The following TBX15 variants were observed in gnomAD, a reference collection of about 807,000 sequenced individuals.
The protein encoded by TBX15 is T-box transcription factor 15, also known as T-box transcription factor TBX15.
In TBX15, 18 loss-of-function variants were observed where a neutral mutation model predicts 53.9. The observed-to-expected ratio is 0.33, with a 90% CI of 0.23 to 0.49. The LOEUF (loss-of-function observed/expected upper bound fraction) is 0.49. TBX15 is among the 20% of genes least tolerant of loss of function. The pLI, the probability that TBX15 is intolerant of heterozygous loss-of-function variation, is 0.98. For missense variants in TBX15, 692 were observed against 749.5 expected, an observed-to-expected ratio of 0.92 and a Z score of 0.90; for synonymous variants, 295 against 278.0, an observed-to-expected ratio of 1.06 and a Z score of -0.61.
Position 118,986,899 on chromosome 1 carries a change from A to C in TBX15, c.205+692T>G, listed in dbSNP as rs1233765059. ...CTCCTAGGGTTCTGTTAAAATACAG[A>C]CATGACATCCCCCCTGCTTTTTACA... On this transcript the variant is annotated intron_variant, in intron 1 of 7. Transcript: ENST00000369429. 2.0e-5 allele frequency among the ~76,000 whole-genome samples: 3 copies of C among 152,158 alleles called. No individual in the cohort carries two copies. The East Asian group carries it at 5.8e-4, about 29-fold the overall frequency.
intron 1 of TBX15, among the ~76,000 whole-genome samples, chr1:118,952,389 G>T (rs917096787): frequency 1.3e-5 from 2 of 151,582 alleles, no homozygotes; most frequent in African/African-American, 2.4e-5. Flanking sequence ...ATTTTTCAAG[G>T]GTCAATAATA....
At chr1:118,926,322 CA>C (rs1190414461) in intron 3 of TBX15, among the ~76,000 whole-genome samples, 187 bp downstream of exon 3, 24 of 152,334 alleles carry the variant, frequency 1.6e-4, no homozygotes, top group Admixed American at 1.4e-3. Flanking sequence ...TCCAGAGACA[CA>C]GGGGGGAATC....
chr1:118,967,330 A>C (rs963241987), intron 1 of TBX15, among the ~76,000 whole-genome samples: 1 of 152,218 alleles, frequency 6.6e-6, no homozygotes, highest in Non-Finnish European at 1.5e-5. Flanking sequence ...TAATTTCAAA[A>C]ATGAAGGACT....
intron 1 of TBX15, among the ~76,000 whole-genome samples, chr1:118,955,041 C>CCT (rs1194121578): frequency 6.6e-6 from 1 of 152,162 alleles, no homozygotes; most frequent in Non-Finnish European, 1.5e-5. Context: ...TTCCAGAATC[C>CCT]CTCTTCATGG....
At chr1:118,978,802 TA>T (rs1420570146) in intron 1 of TBX15, among the ~76,000 whole-genome samples, 1 of 152,246 alleles carries the variant, frequency 6.6e-6, no homozygotes, top group African/African-American at 2.4e-5. Context: ...TCCTTCTTTC[TA>T]AATAGTACGT....
chr1:118,943,274 C>G (rs1368168386), intron 1 of TBX15, among the ~76,000 whole-genome samples: 1 of 152,056 alleles, frequency 6.6e-6, no homozygotes, highest in African/African-American at 2.4e-5. Context: ...GCAAACCTCA[C>G]TAAAGAAAAT....
At chr1:118,982,992 C>T (rs995836249) in intron 1 of TBX15, among the ~76,000 whole-genome samples, 8 of 152,120 alleles carry the variant, frequency 5.3e-5, no homozygotes, top group Non-Finnish European at 7.4e-5. Flanking sequence ...GTGAAGTTGC[C>T]TAGGAAAGCC....
intron 1 of TBX15, among the ~76,000 whole-genome samples, chr1:118,946,069 C>T (rs1375912117): frequency 6.6e-6 from 1 of 151,874 alleles, no homozygotes; most frequent in African/African-American, 2.4e-5. Context: ...ATAAAGTATA[C>T]AATATATAGC....
At chr1:118,890,294 A>C (rs1413730644) in intron 7 of TBX15, among the ~76,000 whole-genome samples, 16 of 152,166 alleles carry the variant, frequency 1.1e-4, no homozygotes, top group Admixed American at 1.0e-3. Context: ...TCTTTCCTCA[A>C]ATGAAGCAAA....
intron 7 of TBX15, among the ~76,000 whole-genome samples, chr1:118,890,097 A>T (rs541355880): frequency 6.6e-6 from 1 of 152,280 alleles, no homozygotes; most frequent in East Asian, 1.9e-4. Context: ...CACAACAGCT[A>T]CATGTTTGTT....
At chr1:118,981,663 C>G (rs1437131518) in intron 1 of TBX15, among the ~76,000 whole-genome samples, 1 of 152,234 alleles carries the variant, frequency 6.6e-6, no homozygotes, top group Non-Finnish European at 1.5e-5. Context: ...GATTGGTCCT[C>G]ACCAGTTTCT....
chr1:118,892,087 A>G (rs1327915179), intron 7 of TBX15, among the ~76,000 whole-genome samples: 1 of 152,206 alleles, frequency 6.6e-6, no homozygotes, highest in Non-Finnish European at 1.5e-5. Flanking sequence ...TTCCTTCCTA[A>G]GACATGATAA....
In TBX15 at chr1:118,972,303, C is replaced by A. The variant is rs193065019; in HGVS notation, c.205+15288G>T. Among the ~76,000 whole-genome samples the A allele has an allele frequency of 5.1e-3, 780 of 152,338 alleles. 5 individuals are homozygous for A. The highest frequency in any genetic ancestry group is 0.017 in the Middle Eastern group (5 of 294). On this transcript the variant is annotated intron_variant, in intron 1 of 7. Transcript: ENST00000369429. Reference sequence around the variant, plus strand: ...TGAAGCCATTATATGTTTGGATTTACACATCATGTCAATTAACATTTATAT... The same window carrying A: ...TGAAGCCATTATATGTTTGGATTTAAACATCATGTCAATTAACATTTATAT...
chr1:118,964,334 G>T (rs2645304), intron 1 of TBX15, among the ~76,000 whole-genome samples: 3,837 of 152,244 alleles, frequency 0.025, 176 homozygotes, highest in African/African-American at 0.088. Context: ...TCTTCCTAAG[G>T]CATAGCCCTG....
intron 6 of TBX15, among the ~76,000 whole-genome samples, chr1:118,911,470 C>T (rs1655023444): frequency 6.6e-6 from 1 of 152,128 alleles, no homozygotes; most frequent in South Asian, 2.1e-4. Context: ...AACTGTCTGC[C>T]CTGAGCAGTA....
chr1:118,952,038 T>G (rs1350214498), intron 1 of TBX15, among the ~76,000 whole-genome samples: 1 of 152,050 alleles, frequency 6.6e-6, no homozygotes, highest in African/African-American at 2.4e-5. Flanking sequence ...TTTGCCTTTG[T>G]CACCCCTGAG....
intron 7 of TBX15, among the ~76,000 whole-genome samples, chr1:118,894,696 A>T (rs1654361828): frequency 6.6e-6 from 1 of 152,164 alleles, no homozygotes; most frequent in South Asian, 2.1e-4. Flanking sequence ...CTTCCGGGAT[A>T]TCAAGTGTTC....
At chr1:118,972,381 T>C (rs1011827503) in intron 1 of TBX15, among the ~76,000 whole-genome samples, 3 of 152,172 alleles carry the variant, frequency 2.0e-5, no homozygotes, top group Non-Finnish European at 4.4e-5. Context: ...GTGCTCAAGA[T>C]AGATCTTGAA....
rs1379586843 is a variant in TBX15 at position 118,931,649 on chromosome 1, C to A, written c.389G>T (p.Gly130Val). ...ADLWKRFHDI[G>V]TEMIITKAGR... ...TGCTTTGGTGATGATCATTTCAGTT[C>A]CAATATCATGGAACCGCTTCCAGAG... is the stretch of plus-strand genomic sequence containing the variant. The change falls in exon 2 of 8, where the codon GGA becomes GTA. Residue 130 changes from glycine (G) to valine (V), a missense_variant. Coordinates refer to ENST00000369429, the MANE Select transcript of TBX15 (RefSeq NM_001330677.2). 1.9e-6 allele frequency: 3 copies of A among 1,613,956 alleles called. No homozygotes were observed. The highest frequency in any genetic ancestry group is 1.3e-5 in the African/African-American group (1 of 74,918).
Sources: gnomAD v4.1 joint callset for allele counts (sites outside exome capture counted in the v4.1 genomes callset) on GRCh38, gnomAD v4.1.1 for gene constraint, MANE v1.5 for transcripts, NCBI Gene and HGNC (gene_info 2026-07-23, HGNC 2026-07-21) for gene names.